POU6F2: variants seen among roughly 807,000 people sequenced by gnomAD.
POU6F2 encodes POU domain, class 6, transcription factor 2.
POU6F2 carries 31 observed loss-of-function variants against 71.3 expected under a neutral mutation model. That is an observed-to-expected ratio of 0.43 (90% CI 0.33 to 0.59). The LOEUF (loss-of-function observed/expected upper bound fraction) is 0.59, where lower values mean the gene tolerates loss of function less well. Among genes scored for constraint, POU6F2 ranks in the 20% least tolerant of loss-of-function variants. The pLI is 0.04. For missense variants in POU6F2, 783 were observed against 856.8 expected (o/e 0.91, Z 1.07); for synonymous variants, 347 against 355.7 (o/e 0.98, Z 0.27).
chr7:39,367,303 C>T lies in POU6F2; in HGVS notation c.972+27288C>T, dbSNP rs185349529. Among the ~76,000 whole-genome samples the T allele has an allele frequency of 8.1e-3, 1,234 of 152,114 alleles. 11 individuals carry two copies. The highest frequency in any genetic ancestry group is 0.013 in the Non-Finnish European group (901 of 67,996). On this transcript the variant is annotated intron_variant, in intron 5 of 9. Transcript: ENST00000518318. The stretch of plus-strand genomic sequence containing the variant: ...CAATGATCTTGGGAAGCCATTTGTC[C>T]GATAGCCACCACCCATGCTGTGAAA...
At chr7:39,260,258 C>T (rs1430651370) in intron 4 of POU6F2, among the ~76,000 whole-genome samples, 2 of 149,296 alleles carry the variant, frequency 1.3e-5, no homozygotes, top group Non-Finnish European at 3.0e-5. Flanking sequence ...CCGACACACA[C>T]ACTCCATACC....
intron 1 of POU6F2, among the ~76,000 whole-genome samples, chr7:39,064,108 C>T (rs2128716609): frequency 6.6e-6 from 1 of 152,030 alleles, no homozygotes; most frequent in South Asian, 2.1e-4. Context: ...AGATATGAAG[C>T]AGACTGAATA....
chr7:39,274,296 C>A (rs1045849047), intron 4 of POU6F2, among the ~76,000 whole-genome samples: 12 of 152,288 alleles, frequency 7.9e-5, no homozygotes, highest in Admixed American at 7.2e-4. Context: ...ATTAGAAAAT[C>A]TAGAAGAAAT....
At chr7:39,055,004 CAT>C (rs1218079328) in intron 1 of POU6F2, among the ~76,000 whole-genome samples, 1 of 151,918 alleles carries the variant, frequency 6.6e-6, no homozygotes, top group Admixed American at 6.6e-5. Context: ...GAGATAATTA[CAT>C]GATCATGTTT....
At chr7:39,149,368 T>A (rs1792694668) in intron 2 of POU6F2, among the ~76,000 whole-genome samples, 1 of 152,186 alleles carries the variant, frequency 6.6e-6, no homozygotes, top group Non-Finnish European at 1.5e-5. Context: ...TAATATCCAG[T>A]GTTTTTATTT....
chr7:39,291,961 T>A (rs4504545), intron 4 of POU6F2, among the ~76,000 whole-genome samples: 1 of 146,588 alleles, frequency 6.8e-6, no homozygotes. Flanking sequence ...TTTTTTTTTT[T>A]AATACATGGT....
chr7:39,298,306 A>G (rs1784889456), intron 4 of POU6F2, among the ~76,000 whole-genome samples: 1 of 152,228 alleles, frequency 6.6e-6, no homozygotes, highest in South Asian at 2.1e-4. Context: ...AAGAACTTAA[A>G]CAAATTTACA....
At chr7:39,362,281 G>GA (rs56922701) in intron 5 of POU6F2, among the ~76,000 whole-genome samples, 2,897 of 130,862 alleles carry the variant, frequency 0.022, 89 homozygotes, top group African/African-American at 0.071. Context: ...TCAATGGCCA[G>GA]AAAAAAAAAA....
At chr7:39,165,331 C>G (rs1430465364) in intron 2 of POU6F2, among the ~76,000 whole-genome samples, 4 of 152,140 alleles carry the variant, frequency 2.6e-5, no homozygotes, top group Admixed American at 2.6e-4. Context: ...GAATTTATTT[C>G]CACTAAAATT....
intron 4 of POU6F2, among the ~76,000 whole-genome samples, chr7:39,327,363 A>G (rs1174852717): frequency 6.6e-6 from 1 of 152,012 alleles, no homozygotes; most frequent in Non-Finnish European, 1.5e-5. Context: ...TTTATCAGTC[A>G]AGGATGTTTA....
At chr7:39,370,557 C>A (rs552048896) in intron 5 of POU6F2, among the ~76,000 whole-genome samples, 11 of 152,356 alleles carry the variant, frequency 7.2e-5, no homozygotes, top group Admixed American at 2.0e-4. Context: ...TGGATAATTT[C>A]TCTTTTGCTG....
chr7:39,031,178 C>T (rs1021827733), intron 1 of POU6F2, among the ~76,000 whole-genome samples: 4 of 151,948 alleles, frequency 2.6e-5, no homozygotes, highest in African/African-American at 4.8e-5. Context: ...GGATTACAGG[C>T]GTGAGCCACC....
At chr7:39,084,233 C>A (rs910217713) in intron 1 of POU6F2, among the ~76,000 whole-genome samples, 1 of 152,124 alleles carries the variant, frequency 6.6e-6, no homozygotes, top group Non-Finnish European at 1.5e-5. Flanking sequence ...TTTCACAACC[C>A]CTAATGCCCC....
At chr7:39,000,136 G>A (rs1224458186) in intron 1 of POU6F2, among the ~76,000 whole-genome samples, 2 of 152,136 alleles carry the variant, frequency 1.3e-5, no homozygotes, top group Non-Finnish European at 2.9e-5. Flanking sequence ...GTCAGTTAGG[G>A]TAACTCAAGT....
At chr7:39,007,410 A>T (rs896525752) in intron 1 of POU6F2, among the ~76,000 whole-genome samples, 2 of 152,194 alleles carry the variant, frequency 1.3e-5, no homozygotes, top group African/African-American at 4.8e-5. Flanking sequence ...TTTCAGTGGA[A>T]TGTATTCTGT....
chr7:39,326,023 A>T (rs1785497036), intron 4 of POU6F2, among the ~76,000 whole-genome samples: 1 of 152,234 alleles, frequency 6.6e-6, no homozygotes. Flanking sequence ...TGCTCAATAA[A>T]TGTTAGCTCT....
intron 1 of POU6F2, among the ~76,000 whole-genome samples, chr7:39,050,040 A>AT (rs974807778): frequency 9.1e-4 from 138 of 151,596 alleles, no homozygotes; most frequent in Middle Eastern, 3.4e-3. Flanking sequence ...CTTGATTCCA[A>AT]TTTTTTTTGT....
chr7:39,081,428 T>A (rs560973481), intron 1 of POU6F2, among the ~76,000 whole-genome samples: 25 of 152,248 alleles, frequency 1.6e-4, no homozygotes, highest in Non-Finnish European at 3.5e-4. Context: ...CTGCTGAGTT[T>A]TCCACATGGG....
chr7:39,158,832 C>T (rs931603913), intron 2 of POU6F2, among the ~76,000 whole-genome samples: 2 of 152,062 alleles, frequency 1.3e-5, no homozygotes, highest in African/African-American at 4.8e-5. Context: ...AATGCTTTAC[C>T]AGCTATCTGG....
Sources: gnomAD v4.1 joint callset for allele counts (sites outside exome capture counted in the v4.1 genomes callset) on GRCh38, gnomAD v4.1.1 for gene constraint, MANE v1.5 for transcripts, NCBI Gene and HGNC (gene_info 2026-07-23, HGNC 2026-07-21) for gene names.